The following DIAPH2 variants were observed in gnomAD, a reference collection of about 807,000 sequenced individuals.
DIAPH2 encodes protein diaphanous homolog 2.
In DIAPH2, 35 loss-of-function variants were observed where a neutral mutation model predicts 92.7. That is an observed-to-expected ratio of 0.38 (90% CI 0.29 to 0.50). The LOEUF is 0.50. Among genes scored for constraint, DIAPH2 ranks in the 20% least tolerant of loss-of-function variants. The pLI is 0.94. For synonymous variants in DIAPH2, 301 were observed against 280.4 expected (o/e 1.07, Z -0.73); for missense variants, 701 against 819.5 (o/e 0.86, Z 1.77).
In DIAPH2 at chrX:96,965,167, C is replaced by A. The variant is rs770092431; in HGVS notation, c.2010C>A (p.Leu670=). The A allele has an allele frequency of 4.2e-6, 5 of 1,196,239 alleles. No individual in the cohort carries two copies. Among genetic ancestry groups the A allele is most frequent in the Non-Finnish European group, 4.5e-6 (4 of 887,772 alleles). ...AAGACAAGTTTGAGAATCCAGATCT[C>A]TTTGCCAAATTGGCATTGAATTTTG... ...VKEDKFENPD[L]FAKLALNFAT... The change falls in exon 17 of 27, where the codon CTC becomes CTA. Residue 670 remains leucine, a synonymous_variant. Transcript: ENST00000324765.
intron 19 of DIAPH2, among the ~76,000 whole-genome samples, chrX:97,082,684 G>T (rs1256286636): frequency 9.0e-6 from 1 of 110,955 alleles, no homozygotes; most frequent in African/African-American, 3.3e-5. Flanking sequence ...CTTGGTAAGT[G>T]GCCTCTTTTT....
intron 26 of DIAPH2, among the ~76,000 whole-genome samples, chrX:97,489,953 C>T (rs969244499): frequency 2.4e-4 from 27 of 111,612 alleles, no homozygotes; most frequent in Non-Finnish European, 4.3e-4. Flanking sequence ...GAATGAGTTT[C>T]GAAGTCTACT....
chrX:96,909,974 G>T (rs183621976), intron 5 of DIAPH2, among the ~76,000 whole-genome samples: 94 of 110,526 alleles, frequency 8.5e-4, no homozygotes, highest in Middle Eastern at 4.7e-3. Context: ...CAGAATTTTA[G>T]AAACAATTTG....
At chrX:97,465,558 A>G (rs769502316) in intron 26 of DIAPH2, among the ~76,000 whole-genome samples, 21 of 111,655 alleles carry the variant, frequency 1.9e-4, no homozygotes, top group Non-Finnish European at 3.4e-4. Flanking sequence ...TGCAAATACT[A>G]TGCCATCTTA....
At chrX:97,563,888 G>C (rs891164021) in intron 26 of DIAPH2, among the ~76,000 whole-genome samples, 8 of 111,242 alleles carry the variant, frequency 7.2e-5, no homozygotes, top group African/African-American at 2.6e-4. Flanking sequence ...ACACTCTGCA[G>C]ATCAGTCTCA....
chrX:96,882,959 CAAAAA>C (rs1211958338), intron 5 of DIAPH2, among the ~76,000 whole-genome samples: 2 of 32,004 alleles, frequency 6.2e-5, no homozygotes, highest in Admixed American at 5.0e-4. Context: ...ACCCTGTCTC[CAAAAA>C]AAAAAAAAAA....
chrX:97,322,943 T>C (rs1462201855), intron 23 of DIAPH2, among the ~76,000 whole-genome samples: 1 of 100,404 alleles, frequency 1.0e-5, no homozygotes, highest in Non-Finnish European at 2.0e-5. Flanking sequence ...CTCACTCTTA[T>C]ACCCCAGGTT....
intron 9 of DIAPH2, among the ~76,000 whole-genome samples, chrX:96,924,833 G>A (rs1041593828): frequency 9.0e-6 from 1 of 110,523 alleles, no homozygotes; most frequent in Non-Finnish European, 1.9e-5. Context: ...CACAAGAATA[G>A]CAAGGGGGAA....
At chrX:96,947,870 G>A (rs745819644) in intron 14 of DIAPH2, among the ~76,000 whole-genome samples, 1 of 112,148 alleles carries the variant, frequency 8.9e-6, no homozygotes, top group Non-Finnish European at 1.9e-5. Flanking sequence ...CCAGTCCCAG[G>A]CAGTATTCAC....
chrX:97,193,402 A>T (rs184517317), intron 22 of DIAPH2, among the ~76,000 whole-genome samples: 136 of 111,742 alleles, frequency 1.2e-3, no homozygotes, highest in African/African-American at 4.3e-3. Flanking sequence ...TTGATGTGCC[A>T]GTACTTCATT....
chrX:97,604,225 T>TA lies in DIAPH2; in HGVS notation c.*4910dup, dbSNP rs1303872477. Reference sequence around the variant, plus strand: ...TCACATCACTTCCCCTCTGTATATATAATCTACCTCTGCCTCTCTCTTATA... The same window carrying TA: ...TCACATCACTTCCCCTCTGTATATATAAATCTACCTCTGCCTCTCTCTTATA... On this transcript the variant is annotated 3_prime_UTR_variant, in exon 27 of 27. Coordinates refer to ENST00000324765, the MANE Select transcript of DIAPH2 (RefSeq NM_006729.5). 2.1e-4 allele frequency: 24 copies of TA among 111,824 alleles called. No individual in the cohort carries two copies. The highest frequency in any genetic ancestry group is 7.8e-4 in the African/African-American group (24 of 30,612). The allele number at this position is 111,824 out of a possible 1,213,427, so 9.2% of individuals were successfully genotyped here.
chrX:97,546,768 G>A (rs1046192046), intron 26 of DIAPH2, among the ~76,000 whole-genome samples: 37 of 110,733 alleles, frequency 3.3e-4, no homozygotes, highest in African/African-American at 1.1e-3. Flanking sequence ...CCCAGGAGGC[G>A]GAGGTTGCAG....
Position 97,260,831 on chromosome X carries a change from C to A in DIAPH2, c.2844+12992C>A, listed in dbSNP as rs759800941. ...AATAGATTTAGGTATTTATCCAAAC[C>A]GAACTTTTAAACCACCAGAGATTTG... On this transcript the variant is annotated intron_variant, in intron 23 of 26. Transcript: ENST00000324765. 5.4e-5 allele frequency among the ~76,000 whole-genome samples: 6 copies of A among 111,917 alleles called. No homozygotes were observed. In the East Asian group the frequency reaches 1.7e-3, roughly 31 times the overall value.
Position 96,685,099 on chromosome X carries a change from G to C in DIAPH2, c.41G>C (p.Gly14Ala). The C allele has an allele frequency of 3.0e-6, 3 of 1,014,581 alleles. No homozygotes were observed. Among genetic ancestry groups the C allele is most frequent in the Non-Finnish European group, 3.8e-6 (3 of 794,713 alleles). 83.6% of individuals were successfully genotyped at this position (1,014,581 alleles called of 1,213,427 possible). ...PGAAASGAGG[G>A]SEEPGGGRSN... ...GCGGCGGCGTCGGGAGCGGGAGGCGGCAGCGAGGAACCCGGTGGGGGCCGG... is the reference window on the plus strand; with the variant it reads ...GCGGCGGCGTCGGGAGCGGGAGGCGCCAGCGAGGAACCCGGTGGGGGCCGG... Residue 14 changes from glycine to alanine, a missense_variant, in exon 1 of 27, where the codon GGC becomes GCC. By Grantham distance (60) the Gly-to-Ala change is moderately conservative. Transcript: ENST00000324765.
intron 22 of DIAPH2, among the ~76,000 whole-genome samples, chrX:97,231,720 A>T (rs2147527854): frequency 9.0e-6 from 1 of 111,426 alleles, no homozygotes; most frequent in South Asian, 3.8e-4. Context: ...AATTTTTATC[A>T]ATCTGCATTC....
chrX:97,419,173 C>T (rs1355751081), intron 25 of DIAPH2, among the ~76,000 whole-genome samples: 1 of 111,661 alleles, frequency 9.0e-6, no homozygotes, highest in African/African-American at 3.3e-5. Context: ...GATCCTCCCA[C>T]TTTGGCCTCC....
Position 97,482,660 on chromosome X carries a change from GA to G in DIAPH2, c.3241+52930del, listed in dbSNP as rs397932731. ...AAGGAAAAGAGGAGGGGACCAAAAA[GA>G]AAAAAAAAAAAAAAGATTTGCATTA... On this transcript the variant is annotated intron_variant, in intron 26 of 26. Coordinates refer to ENST00000324765, the MANE Select transcript of DIAPH2 (RefSeq NM_006729.5). Among the ~76,000 whole-genome samples the G allele has an allele frequency of 7.4e-3, 635 of 85,456 alleles. 3 individuals carry two copies. The highest frequency in any genetic ancestry group is 0.051 in the South Asian group (90 of 1,768). The allele number at this position is 85,456 out of a possible 115,157, so 74.2% of individuals were successfully genotyped here. A position where few individuals can be genotyped will look rare whatever the true frequency, so the allele number is the denominator to read the frequency against.
intron 1 of DIAPH2, among the ~76,000 whole-genome samples, chrX:96,693,864 ATC>A (rs1226349127): frequency 8.9e-6 from 1 of 111,913 alleles, no homozygotes; most frequent in African/African-American, 3.2e-5. Flanking sequence ...GTGAAACCCC[ATC>A]TCTACTAAAA....
chrX:97,367,831 T>C (rs2069397150), intron 24 of DIAPH2, among the ~76,000 whole-genome samples: 1 of 110,676 alleles, frequency 9.0e-6, no homozygotes, highest in Non-Finnish European at 1.9e-5. Flanking sequence ...GCCTCCCAAG[T>C]AGCTGGGATT....
Sources: gnomAD v4.1 joint callset for allele counts (sites outside exome capture counted in the v4.1 genomes callset) on GRCh38, gnomAD v4.1.1 for gene constraint, MANE v1.5 for transcripts, NCBI Gene and HGNC (gene_info 2026-07-23, HGNC 2026-07-21) for gene names.